CAMTA1: variants seen among roughly 807,000 people sequenced by gnomAD.
CAMTA1 encodes the protein calmodulin-binding transcription activator 1.
In CAMTA1, 27 loss-of-function variants were observed where a neutral mutation model predicts 170.9. That is an observed-to-expected ratio of 0.16 (90% CI 0.12 to 0.22). CAMTA1 has a LOEUF of 0.22. Ranked by LOEUF, CAMTA1 falls within the 10% of genes least tolerant of loss-of-function variation. The pLI, the probability that CAMTA1 is intolerant of heterozygous loss-of-function variation, is 1.00. For synonymous variants in CAMTA1, 833 were observed against 891.5 expected (o/e 0.93, Z 1.17); for missense variants, 1,619 against 2,217.2 (o/e 0.73, Z 5.42).
chr1:6,887,833 C>T lies in CAMTA1; in HGVS notation c.234+62623C>T, dbSNP rs1673643118. 1 of 1,465,678 alleles carries T rather than the reference C, an allele frequency of 6.8e-7. No individual in the cohort carries two copies. The highest frequency in any genetic ancestry group is 1.4e-5 in the African/African-American group (1 of 70,212). 90.8% of individuals were successfully genotyped at this position (1,465,678 alleles called of 1,614,324 possible). On this transcript the variant is annotated intron_variant, in intron 3 of 22. Transcript: ENST00000303635. This position sits in a 1 kb window ranked among gnomAD's most constrained non-coding sequence, Gnocchi z 4.1. The stretch of plus-strand genomic sequence containing the variant: ...ATTAGTGAATTAACTGTTCTCAAAA[C>T]CCCAAATTAATTTGAACCGAATGTT...
intron 4 of CAMTA1, among the ~76,000 whole-genome samples, chr1:7,160,535 T>C (rs958455216): frequency 6.6e-6 from 1 of 152,140 alleles, no homozygotes; most frequent in Non-Finnish European, 1.5e-5. Context: ...CTGGCTTTCC[T>C]TCCAACTCCC....
chr1:7,537,336 C>G (rs74055118), intron 6 of CAMTA1, among the ~76,000 whole-genome samples: 1 of 152,244 alleles, frequency 6.6e-6, no homozygotes, highest in Non-Finnish European at 1.5e-5. Flanking sequence ...TGGCCTCCCC[C>G]ACACCATGAA....
At chr1:7,432,575 G>A (rs1018544840) in intron 5 of CAMTA1, among the ~76,000 whole-genome samples, 1 of 152,188 alleles carries the variant, frequency 6.6e-6, no homozygotes, top group African/African-American at 2.4e-5. Context: ...GGGTCACCAC[G>A]GGGCCAGGAT....
chr1:6,948,935 C>G (rs911047821), intron 3 of CAMTA1, among the ~76,000 whole-genome samples: 2 of 152,162 alleles, frequency 1.3e-5, no homozygotes, highest in Non-Finnish European at 2.9e-5. Context: ...TGCTGTTGCT[C>G]CCTGACGTGT....
chr1:7,300,983 C>G lies in CAMTA1; in HGVS notation c.438+51357C>G, dbSNP rs964173460. ...CAACACACACATTGGATTCTAGCAGCAATTACCCACCATCCTTTATGCAAG... is the reference window on the plus strand; with the variant it reads ...CAACACACACATTGGATTCTAGCAGGAATTACCCACCATCCTTTATGCAAG... On this transcript the variant is annotated intron_variant, in intron 5 of 22. Coordinates refer to ENST00000303635, the MANE Select transcript of CAMTA1 (RefSeq NM_015215.4). The surrounding 1 kb of genome is among the most constrained non-coding windows in gnomAD (Gnocchi z 4.1). Among the ~76,000 whole-genome samples, 3 of 152,344 alleles carry G rather than the reference C, an allele frequency of 2.0e-5. No homozygotes were observed. The highest frequency in any genetic ancestry group is 2.0e-4 in the Admixed American group (3 of 15,314).
At chr1:6,973,407 T>C (rs1338562052) in intron 3 of CAMTA1, among the ~76,000 whole-genome samples, 1 of 152,196 alleles carries the variant, frequency 6.6e-6, no homozygotes, top group Non-Finnish European at 1.5e-5. Context: ...TTCTTTCACA[T>C]AGCATAGTGT....
intron 6 of CAMTA1, among the ~76,000 whole-genome samples, chr1:7,602,140 C>T (rs1480768123): frequency 7.2e-6 from 1 of 139,812 alleles, no homozygotes; most frequent in Non-Finnish European, 1.5e-5. Context: ...TCCTTCCTTC[C>T]TTCCTCCCTC....
At position 7,193,473 on chromosome 1, in the gene CAMTA1, C is replaced by T. The variant is rs191243634; in HGVS notation, c.303-56018C>T. Among the ~76,000 whole-genome samples, 1,144 of 151,822 alleles carry T rather than the reference C, an allele frequency of 7.5e-3. 19 individuals are homozygous for T. Among genetic ancestry groups the T allele is most frequent in the Non-Finnish European group, 6.1e-3 (414 of 67,950 alleles). ...GCAGGTGACTGCAGCCCAATTGTAT[C>T]GGATGTTTCTGATGACAGCAGATAA... On this transcript the variant is annotated intron_variant, in intron 4 of 22. Coordinates refer to ENST00000303635, the MANE Select transcript of CAMTA1 (RefSeq NM_015215.4).
At chr1:7,501,699 A>G (rs190646075) in intron 6 of CAMTA1, among the ~76,000 whole-genome samples, 1 of 152,126 alleles carries the variant, frequency 6.6e-6, no homozygotes, top group Admixed American at 6.5e-5. Flanking sequence ...TTTATCTGAA[A>G]TTGACATGTC....
Position 7,172,646 on chromosome 1 carries a change from A to G in CAMTA1, c.303-76845A>G, listed in dbSNP as rs929148374. Among the ~76,000 whole-genome samples, 7 of 152,190 alleles carry G rather than the reference A, an allele frequency of 4.6e-5. No homozygotes were observed. The South Asian group carries it at 1.4e-3, about 31-fold the overall frequency. ...ATGCCCAGCCTGGGGATGCTCTGTG[A>G]TCTTTAAACAACGGTCTCACTGGGC... On this transcript the variant is annotated intron_variant, in intron 4 of 22. Transcript: ENST00000303635.
intron 5 of CAMTA1, among the ~76,000 whole-genome samples, chr1:7,342,772 A>C (rs936263817): frequency 6.6e-6 from 1 of 152,212 alleles, no homozygotes; most frequent in African/African-American, 2.4e-5. Flanking sequence ...CAGGTAGCTG[A>C]AGATGGAGCC....
intron 3 of CAMTA1, among the ~76,000 whole-genome samples, chr1:7,025,585 G>A (rs1467020288): frequency 6.6e-6 from 1 of 152,186 alleles, no homozygotes; most frequent in Non-Finnish European, 1.5e-5. Context: ...CAGATGCCGG[G>A]GAGAGAAAGC....
intron 6 of CAMTA1, among the ~76,000 whole-genome samples, chr1:7,513,021 G>C (rs1461505655): frequency 6.6e-6 from 1 of 152,206 alleles, no homozygotes; most frequent in East Asian, 1.9e-4. Flanking sequence ...AGCAAGGTGA[G>C]AATCTGGTGG....
intron 5 of CAMTA1, among the ~76,000 whole-genome samples, chr1:7,265,049 G>A (rs371031232): frequency 2.0e-5 from 3 of 152,308 alleles, no homozygotes; most frequent in Admixed American, 6.5e-5. Context: ...CCAGGGAGCC[G>A]GGTTTTTCTG....
chr1:7,705,188 G>C (rs1426328107), intron 11 of CAMTA1, among the ~76,000 whole-genome samples: 1 of 151,436 alleles, frequency 6.6e-6, no homozygotes. Context: ...TGAGGGGCGT[G>C]TTTCTGGGGC....
At chr1:7,296,695 G>A (rs1255669086) in intron 5 of CAMTA1, among the ~76,000 whole-genome samples, 2 of 152,166 alleles carry the variant, frequency 1.3e-5, no homozygotes, top group African/African-American at 4.8e-5. Flanking sequence ...TTTTGGCCAC[G>A]TCAAGGGTGA....
rs536535048 is a variant in CAMTA1, at chr1:7,729,103, A to G, written c.2915-3345A>G. Among the ~76,000 whole-genome samples the G allele has an allele frequency of 7.3e-5, 11 of 151,368 alleles. No homozygotes were observed. The East Asian group carries it at 2.1e-3, about 30-fold the overall frequency. On this transcript the variant is annotated intron_variant, in intron 11 of 22. Transcript: ENST00000303635. ...CCTGGAAGTAGTTTATTAGAAATTAATATGAGGAATCTTTTTTTTTCTTTT... is the reference window on the plus strand; with the variant it reads ...CCTGGAAGTAGTTTATTAGAAATTAGTATGAGGAATCTTTTTTTTTCTTTT...
chr1:7,712,351 G>A (rs980002282), intron 11 of CAMTA1, among the ~76,000 whole-genome samples: 2 of 151,292 alleles, frequency 1.3e-5, no homozygotes, highest in African/African-American at 4.9e-5. Flanking sequence ...GACAGGGTCT[G>A]ACTCTGATGC....
chr1:7,582,431 C>T (rs1237160512), intron 6 of CAMTA1, among the ~76,000 whole-genome samples: 2 of 152,168 alleles, frequency 1.3e-5, no homozygotes, highest in Non-Finnish European at 2.9e-5. Context: ...TGCCTGGGCT[C>T]TGGATTCTCT....
Sources: gnomAD v4.1 joint callset for allele counts (sites outside exome capture counted in the v4.1 genomes callset) on GRCh38, gnomAD v4.1.1 for gene constraint, Gnocchi (gnomAD v3.1) non-coding constraint, MANE v1.5 for transcripts, NCBI Gene and HGNC (gene_info 2026-07-23, HGNC 2026-07-21) for gene names.